Variants in CHSY1 observed in about 807,000 individuals in gnomAD.
CHSY1 encodes chondroitin sulfate synthase 1, also known as N-acetylgalactosaminyl-proteoglycan 3-beta-glucuronosyltransferase 1.
A neutral mutation model predicts 59.8 loss-of-function variants in CHSY1; 13 were observed. The ratio of observed to expected loss-of-function variants is 0.22; its 90% CI spans 0.14 to 0.35. CHSY1 has a LOEUF of 0.35. Among genes scored for constraint, CHSY1 ranks in the 10% least tolerant of loss-of-function variants. The probability of loss-of-function intolerance (pLI) is 1.00; values close to 1 mark genes in which losing one functional copy is unlikely to be tolerated. For synonymous variants in CHSY1, 459 were observed against 401.2 expected, an observed-to-expected ratio of 1.14 and a Z score of -1.72; for missense variants, 947 against 1,030.6, an observed-to-expected ratio of 0.92 and a Z score of 1.11.
Position 101,213,150 on chromosome 15 carries a change from G to A in CHSY1, c.816+21932C>T, listed in dbSNP as rs2038698384. 2.0e-5 allele frequency among the ~76,000 whole-genome samples: 3 copies of A among 152,120 alleles called. 1 individual carries two copies. In the South Asian group the frequency reaches 6.2e-4, roughly 31 times the overall value. ...TGTAGTAAGGAAAACAGAGTAAGAG[G>A]AAGGGCAACCATGAATATAAATCTA... On this transcript the variant is annotated intron_variant, in intron 2 of 2. Transcript: ENST00000254190.
intron 2 of CHSY1, among the ~76,000 whole-genome samples, chr15:101,221,581 G>A (rs943076851): frequency 1.3e-5 from 2 of 152,080 alleles, no homozygotes; most frequent in African/African-American, 4.8e-5. Context: ...AAAGTAACCA[G>A]AATTCTAAAT....
chr15:101,175,981 TATA>T lies in CHSY1; in HGVS notation c.*1404_*1406del. ...TTGATCTGAGAATTTAACTTTCTGG[TATA>T]ATGACAGATTCATTTCACTTTTGTC... is the stretch of plus-strand genomic sequence containing the variant. On this transcript the variant is annotated 3_prime_UTR_variant, in exon 3 of 3. Transcript: ENST00000254190. The T allele has an allele frequency of 3.3e-6, 1 of 303,950 alleles. No homozygotes were observed. The highest frequency in any genetic ancestry group is 1.6e-4 in the South Asian group (1 of 6,182). 18.8% of individuals were successfully genotyped at this position (303,950 alleles called of 1,614,324 possible).
intron 2 of CHSY1, among the ~76,000 whole-genome samples, chr15:101,207,450 T>C (rs1479613490): frequency 6.6e-6 from 1 of 152,204 alleles, no homozygotes; most frequent in African/African-American, 2.4e-5. Flanking sequence ...TAGTATGTTA[T>C]ATAATATTTC....
At chr15:101,191,415 C>A (rs1337797416) in intron 2 of CHSY1, among the ~76,000 whole-genome samples, 1 of 152,102 alleles carries the variant, frequency 6.6e-6, no homozygotes, top group East Asian at 1.9e-4. Flanking sequence ...CCAGGGGTTA[C>A]AGGGGAAGGA....
intron 2 of CHSY1, among the ~76,000 whole-genome samples, chr15:101,192,931 TCCTC>T (rs2038463624): frequency 6.6e-6 from 1 of 152,148 alleles, no homozygotes; most frequent in Non-Finnish European, 1.5e-5. Context: ...TTATTACCAC[TCCTC>T]TCCCATTGAA....
intron 2 of CHSY1, among the ~76,000 whole-genome samples, chr15:101,233,442 A>G (rs1471996831): frequency 6.6e-6 from 1 of 152,214 alleles, no homozygotes; most frequent in Admixed American, 6.5e-5. Context: ...CAAAATATAC[A>G]ATGTGTTACC....
At chr15:101,240,711 G>A (rs549640563) in intron 1 of CHSY1, among the ~76,000 whole-genome samples, 4 of 152,128 alleles carry the variant, frequency 2.6e-5, no homozygotes, top group Non-Finnish European at 5.9e-5. Context: ...CAGAGGTTGC[G>A]ATTTTTTTGT....
At chr15:101,248,142 TAG>T (rs766625163) in intron 1 of CHSY1, among the ~76,000 whole-genome samples, 7 of 152,224 alleles carry the variant, frequency 4.6e-5, no homozygotes, top group Non-Finnish European at 1.0e-4. Flanking sequence ...ATTTCCAAAC[TAG>T]AGTTCTACCT....
Position 101,177,929 on chromosome 15 carries a change from T to C in CHSY1, c.1868A>G (p.Asn623Ser), listed in dbSNP as rs575320606. The C allele has an allele frequency of 8.1e-6, 13 of 1,614,218 alleles. No individual in the cohort carries two copies. Among genetic ancestry groups the C allele is most frequent in the African/African-American group, 2.7e-5 (2 of 75,052 alleles). Residue 623 changes from asparagine (N) to serine (S), a missense_variant, in exon 3 of 3, where the codon AAT becomes AGT. Asn to Ser is a conservative substitution (Grantham distance 46). This residue lies in a region of CHSY1 where 602 missense variants were observed against 676.9 expected (regional missense o/e 0.89). Transcript: ENST00000254190. ...GTCGCAGAAGAAGAGCAAAGATTCA[T>C]TGTTAAACTGGGAGGATCCTACTTC... ...ALEVGSSQFN[N>S]ESLLFFCDVD...
chr15:101,195,872 G>C (rs1022291475), intron 2 of CHSY1, among the ~76,000 whole-genome samples: 2 of 149,712 alleles, frequency 1.3e-5, no homozygotes, highest in Non-Finnish European at 3.0e-5. Flanking sequence ...AATTGCAGGA[G>C]AGACTATCAA....
At chr15:101,235,807 T>TA (rs2038935277) in intron 1 of CHSY1, among the ~76,000 whole-genome samples, 1 of 152,182 alleles carries the variant, frequency 6.6e-6, no homozygotes, top group South Asian at 2.1e-4. Context: ...TGTTCTGGGA[T>TA]AACTAAGTTT....
chr15:101,189,756 T>A (rs2038420719), intron 2 of CHSY1, among the ~76,000 whole-genome samples: 1 of 152,244 alleles, frequency 6.6e-6, no homozygotes, highest in African/African-American at 2.4e-5. Context: ...CGTGTTAACG[T>A]ATAGCATTTA....
In CHSY1 at chr15:101,251,854, G is replaced by A. The variant is rs971224531; in HGVS notation, c.-398C>T. ...CCGCGTCCTCCGGCTGGCTGGGCTC[G>A]GTTCGCACGGCGCCTGTCCCCGTCC... On this transcript the variant is annotated 5_prime_UTR_variant, in exon 1 of 3. An upstream open reading frame in the 5' UTR gains an earlier in-frame stop. Coordinates refer to ENST00000254190, the MANE Select transcript of CHSY1 (RefSeq NM_014918.5). 4 of 149,354 alleles carry A rather than the reference G, an allele frequency of 2.7e-5. No individual in the cohort carries two copies. Among genetic ancestry groups the A allele is most frequent in the African/African-American group, 9.8e-5 (4 of 40,858 alleles). 9.3% of individuals were successfully genotyped at this position (149,354 alleles called of 1,614,324 possible).
chr15:101,201,613 A>T (rs1486245341), intron 2 of CHSY1, among the ~76,000 whole-genome samples: 1 of 152,200 alleles, frequency 6.6e-6, no homozygotes, highest in African/African-American at 2.4e-5. Context: ...AGAGGAGTTA[A>T]ATCTTAGCTA....
At chr15:101,238,148 A>G (rs1156291614) in intron 1 of CHSY1, among the ~76,000 whole-genome samples, 1 of 152,178 alleles carries the variant, frequency 6.6e-6, no homozygotes, top group Non-Finnish European at 1.5e-5. Context: ...TTTTTTTAAA[A>G]AAAATTGTGA....
At chr15:101,203,413 G>T (rs11247275) in intron 2 of CHSY1, among the ~76,000 whole-genome samples, 69,662 of 152,006 alleles carry the variant, frequency 0.46, 18,285 homozygotes, top group African/African-American at 0.7. Flanking sequence ...TGGAGAAACA[G>T]AATTCTTCTA....
intron 2 of CHSY1, among the ~76,000 whole-genome samples, chr15:101,213,233 T>G (rs1015560056): frequency 6.6e-6 from 1 of 151,092 alleles, no homozygotes; most frequent in African/African-American, 2.4e-5. Context: ...ACACACACAC[T>G]TGACAACTAT....
At chr15:101,210,947 T>C (rs910571459) in intron 2 of CHSY1, among the ~76,000 whole-genome samples, 1 of 152,182 alleles carries the variant, frequency 6.6e-6, no homozygotes, top group African/African-American at 2.4e-5. Flanking sequence ...TGATAAGATG[T>C]AGAAGTTTAG....
chr15:101,193,005 A>G lies in CHSY1; in HGVS notation c.817-14025T>C, dbSNP rs1320024589. The stretch of plus-strand genomic sequence containing the variant: ...TAACAACTAACATCTCTCGGAAGCT[A>G]TACCAAGGACCTACCCTGTATGCAC... On this transcript the variant is annotated intron_variant, in intron 2 of 2. Transcript: ENST00000254190. Among the ~76,000 whole-genome samples the G allele has an allele frequency of 2.0e-5, 3 of 152,240 alleles. 1 individual carries two copies. The East Asian group carries it at 5.8e-4, about 29-fold the overall frequency.
Sources: gnomAD v4.1 joint callset for allele counts (sites outside exome capture counted in the v4.1 genomes callset) on GRCh38, gnomAD v4.1.1 for gene constraint, gnomAD v4.1.1 regional missense constraint, MANE v1.5 for transcripts, NCBI Gene and HGNC (gene_info 2026-07-23, HGNC 2026-07-21) for gene names.